DNAH12: variants seen among roughly 807,000 people sequenced by gnomAD.
The protein encoded by DNAH12 is dynein axonemal heavy chain 12.
In DNAH12, 285 loss-of-function variants were observed where a neutral mutation model predicts 371.5. That is an observed-to-expected ratio of 0.77 (90% CI 0.70 to 0.85). The LOEUF is 0.85. Among genes scored for constraint, DNAH12 ranks in the 40% least tolerant of loss-of-function variants. The pLI, the probability that DNAH12 is intolerant of heterozygous loss-of-function variation, is 0.00. For missense variants in DNAH12, 3,611 were observed against 3,689.4 expected, an observed-to-expected ratio of 0.98 and a Z score of 0.55; for synonymous variants, 1,200 against 1,213.0, an observed-to-expected ratio of 0.99 and a Z score of 0.22.
At chr3:57,551,500 T>C in the DNAH12 span, among the ~76,000 whole-genome samples, 1 of 152,018 alleles carries the variant, frequency 6.6e-6, no homozygotes, top group East Asian at 1.9e-4. Flanking sequence ...CTCAATCTCC[T>C]GACCTCGTGA....
chr3:57,461,137 T>G (rs2066042814), intron 19 of DNAH12, among the ~76,000 whole-genome samples: 1 of 152,158 alleles, frequency 6.6e-6, no homozygotes, highest in African/African-American at 2.4e-5. Flanking sequence ...ATAATTAAAG[T>G]ATGGTTACTA....
Position 57,301,677 on chromosome 3 carries a change from TACACACACACACACACACAC to T in DNAH12, c.11394+38_11394+57del, listed in dbSNP as rs57748737. ...ATTTTACATATTTATACATGTATTT[TACACACACACACACACACAC>T]ACACACACACACACACACACACACA... On this transcript the variant is annotated intron_variant, in intron 70 of 73. Coordinates refer to ENST00000495027, the MANE Select transcript of DNAH12 (RefSeq NM_001366028.2). 5.5e-4 allele frequency: 639 copies of T among 1,152,398 alleles called. 2 individuals are homozygous for T. The highest frequency in any genetic ancestry group is 2.7e-3 in the East Asian group (103 of 38,136). 71.4% of individuals were successfully genotyped at this position (1,152,398 alleles called of 1,614,324 possible). A position where few individuals can be genotyped will look rare whatever the true frequency, so the allele number is the denominator to read the frequency against.
chr3:57,438,602 T>C (rs1377665412), intron 29 of DNAH12, among the ~76,000 whole-genome samples: 1 of 152,006 alleles, frequency 6.6e-6, no homozygotes, highest in East Asian at 1.9e-4. Flanking sequence ...AAAATCAATG[T>C]ACAAAAATCA....
chr3:57,391,526 C>A (rs1350498066), intron 45 of DNAH12, among the ~76,000 whole-genome samples: 2 of 152,160 alleles, frequency 1.3e-5, no homozygotes, highest in Non-Finnish European at 2.9e-5. Flanking sequence ...TCTTTACATA[C>A]AAATTTCCTA....
chr3:57,330,066 G>A (rs1229618694), intron 62 of DNAH12, among the ~76,000 whole-genome samples: 1 of 151,768 alleles, frequency 6.6e-6, no homozygotes, highest in African/African-American at 2.4e-5. Context: ...GGAAACAACA[G>A]GTGCTGGAGA....
intron 11 of DNAH12, among the ~76,000 whole-genome samples, chr3:57,490,764 T>C (rs1173354723): frequency 6.6e-6 from 1 of 152,028 alleles, no homozygotes; most frequent in Non-Finnish European, 1.5e-5. Flanking sequence ...TCAAAGACTA[T>C]CTTAAGCACC....
chr3:57,379,735 A>G (rs2063347814), intron 51 of DNAH12, among the ~76,000 whole-genome samples: 1 of 149,752 alleles, frequency 6.7e-6, no homozygotes, highest in Non-Finnish European at 1.5e-5. Flanking sequence ...CAGCTACTCA[A>G]GAGGCTGAGG....
At chr3:57,360,254 C>G (rs934118738) in intron 58 of DNAH12, among the ~76,000 whole-genome samples, 1 of 151,096 alleles carries the variant, frequency 6.6e-6, no homozygotes, top group Non-Finnish European at 1.5e-5. Context: ...CTCTAAGACC[C>G]TACTCCTTTG....
chr3:57,508,358 A>G, intron 7 of DNAH12, 24 bp downstream of exon 7: 1 of 1,568,832 alleles, frequency 6.4e-7, no homozygotes, highest in Non-Finnish European at 8.6e-7. Context: ...AGACATTCAA[A>G]TTTTAAATTA....
rs1430021630 is a variant in DNAH12 at position 57,507,846 on chromosome 3, T to C, written c.702-8A>G. 1 of 1,558,542 alleles carries C rather than the reference T, an allele frequency of 6.4e-7. No homozygotes were observed. The highest frequency in any genetic ancestry group is 2.3e-5 in the Admixed American group (1 of 43,580). The stretch of plus-strand genomic sequence containing the variant: ...TCAATTGGACCTTTAGCTCTATTTA[T>C]GAGAAAAAGAAATGTGATTTGAAGC... On this transcript the variant is annotated splice_polypyrimidine_tract_variant and splice_region_variant and intron_variant, in intron 7 of 73. Coordinates refer to ENST00000495027, the MANE Select transcript of DNAH12 (RefSeq NM_001366028.2).
intron 13 of DNAH12, among the ~76,000 whole-genome samples, chr3:57,477,424 G>T (rs921968254): frequency 6.6e-6 from 1 of 152,172 alleles, no homozygotes; most frequent in Admixed American, 6.5e-5. Context: ...CGAAGTGGCC[G>T]GGAAGCTCGA....
At chr3:57,531,516 C>T (rs559130528) in intron 2 of DNAH12, among the ~76,000 whole-genome samples, 47 of 152,132 alleles carry the variant, frequency 3.1e-4, no homozygotes, top group Non-Finnish European at 5.9e-4. Context: ...AATCCCAGCA[C>T]TTTAGGAGGC....
intron 22 of DNAH12, among the ~76,000 whole-genome samples, chr3:57,456,009 T>G (rs1054944467): frequency 1.3e-5 from 2 of 152,182 alleles, no homozygotes; most frequent in African/African-American, 4.8e-5. Flanking sequence ...TCATCTTAGA[T>G]ATAAGAAAGT....
chr3:57,323,424 T>C lies in DNAH12; in HGVS notation c.10129+45A>G, dbSNP rs576111290. 2.0e-4 allele frequency: 293 copies of C among 1,493,964 alleles called. No homozygotes were observed. In the African/African-American group the frequency reaches 3.9e-3, roughly 20 times the overall value. 92.5% of individuals were successfully genotyped at this position (1,493,964 alleles called of 1,614,324 possible). ...TATAAGGAATCAGTATTGAGCAAGATGTTTTATTTATGATTTCTTAAAAGT... is the reference window on the plus strand; with the variant it reads ...TATAAGGAATCAGTATTGAGCAAGACGTTTTATTTATGATTTCTTAAAAGT... On this transcript the variant is annotated intron_variant, in intron 63 of 73. Transcript: ENST00000495027.
At chr3:57,483,191 G>A (rs2066809406) in intron 13 of DNAH12, among the ~76,000 whole-genome samples, 185 bp downstream of exon 13, 1 of 151,970 alleles carries the variant, frequency 6.6e-6, no homozygotes, top group African/African-American at 2.4e-5. Context: ...GAGAGGCATG[G>A]CGATCAGAAA....
chr3:57,322,878 C>A (rs1000092885), intron 64 of DNAH12, 129 bp downstream of exon 64: 11 of 1,333,002 alleles, frequency 8.3e-6, no homozygotes, highest in Non-Finnish European at 9.0e-6. Context: ...TGCGGTGAGC[C>A]GAAATTGCGC....
chr3:57,478,742 A>G (rs2066626339), intron 13 of DNAH12, among the ~76,000 whole-genome samples: 1 of 152,234 alleles, frequency 6.6e-6, no homozygotes, highest in Non-Finnish European at 1.5e-5. Context: ...GAAACTCTAT[A>G]AGCCAGAAGA....
intron 11 of DNAH12, among the ~76,000 whole-genome samples, chr3:57,490,255 C>T (rs1397213972): frequency 6.6e-6 from 1 of 152,022 alleles, no homozygotes; most frequent in Admixed American, 6.6e-5. Flanking sequence ...ATTGCTTGAG[C>T]CCAGGAGTTT....
At chr3:57,478,144 C>T (rs371001583) in intron 13 of DNAH12, among the ~76,000 whole-genome samples, 6 of 152,108 alleles carry the variant, frequency 3.9e-5, no homozygotes, top group South Asian at 2.1e-4. Context: ...GGAGGAAGTT[C>T]GAACCCATGG....
Sources: gnomAD v4.1 joint callset for allele counts (sites outside exome capture counted in the v4.1 genomes callset) on GRCh38, gnomAD v4.1.1 for gene constraint, MANE v1.5 for transcripts, NCBI Gene and HGNC (gene_info 2026-07-23, HGNC 2026-07-21) for gene names.